The following NEDD9 variants were observed in gnomAD, a reference collection of about 807,000 sequenced individuals.
NEDD9 encodes enhancer of filamentation 1.
In NEDD9, 26 loss-of-function variants were observed where a neutral mutation model predicts 76.6. The observed-to-expected ratio is 0.34, with a 90% CI of 0.25 to 0.47. NEDD9 has a LOEUF of 0.47. NEDD9 is among the 20% of genes least tolerant of loss of function. The pLI is 1.00. For synonymous variants in NEDD9, 392 were observed against 414.2 expected (o/e 0.95, Z 0.65); for missense variants, 937 against 1,058.5 (o/e 0.89, Z 1.59).
rs933106224 is a variant in NEDD9 at position 11,196,866 on chromosome 6, T to G, written c.460-3174A>C. On this transcript the variant is annotated intron_variant, in intron 2 of 6. Transcript: ENST00000379446. ...GTGGAAGATCAGGGAGCTCGAAGTC[T>G]TCTACTTTTGGACATTCTCTGCCTC... Among the ~76,000 whole-genome samples, 4 of 152,136 alleles carry G rather than the reference T, an allele frequency of 2.6e-5. No individual in the cohort carries two copies. The South Asian group carries it at 8.3e-4, about 31-fold the overall frequency.
chr6:11,335,648 G>A lies in NEDD9; in HGVS notation c.-213-1087C>T, dbSNP rs142204908. On this transcript the variant is annotated intron_variant, in intron 1 of 3. Coordinates refer to the NEDD9 transcript ENST00000397378. The stretch of plus-strand genomic sequence containing the variant: ...TTTTTGCTTCCACAACCAGCAGTGT[G>A]CAGAAAATGCTTTCCAAGTGTTCAT... Among the ~76,000 whole-genome samples, 558 of 152,316 alleles carry A rather than the reference G, an allele frequency of 3.7e-3. 4 individuals are homozygous for A. Among genetic ancestry groups the A allele is most frequent in the African/African-American group, 1.0e-2 (415 of 41,560 alleles).
intron 2 of NEDD9, among the ~76,000 whole-genome samples, chr6:11,321,030 CA>C (rs1761785968): frequency 6.7e-6 from 1 of 149,590 alleles, no homozygotes; most frequent in South Asian, 2.1e-4. Flanking sequence ...CCTGTTGAAG[CA>C]TGTGTTGTTA....
upstream of NEDD9, chr6:11,233,235 T>C (rs114587388): frequency 0.035 from 18,150 of 518,978 alleles, 499 homozygotes; most frequent in South Asian, 0.069. Flanking sequence ...TTTTCAACGT[T>C]CAAAGTACTT....
chr6:11,281,137 T>C (rs996678506), intron 3 of NEDD9, among the ~76,000 whole-genome samples: 1 of 152,260 alleles, frequency 6.6e-6, no homozygotes, highest in Non-Finnish European at 1.5e-5. Flanking sequence ...TAGGCATGTT[T>C]AGAATGCCCA....
At chr6:11,310,908 A>C (rs1328855729) in intron 2 of NEDD9, among the ~76,000 whole-genome samples, 1 of 152,074 alleles carries the variant, frequency 6.6e-6, no homozygotes, top group East Asian at 1.9e-4. Context: ...ATTTCAACTC[A>C]TCCCTTTTTC....
At chr6:11,229,218 A>G (rs1050240192) in intron 1 of NEDD9, among the ~76,000 whole-genome samples, 1 of 152,228 alleles carries the variant, frequency 6.6e-6, no homozygotes, top group Non-Finnish European at 1.5e-5. Flanking sequence ...ATTTTTCTTC[A>G]GTCAAAACGT....
At chr6:11,232,229 T>G (rs116469335) in intron 1 of NEDD9, among the ~76,000 whole-genome samples, 1,768 of 152,322 alleles carry the variant, frequency 0.012, 18 homozygotes, top group South Asian at 0.027. Context: ...GTGGCTGCTG[T>G]GAAGCGGCTC....
At chr6:11,345,215 T>C (rs999881284) in intron 1 of NEDD9, among the ~76,000 whole-genome samples, 3 of 152,098 alleles carry the variant, frequency 2.0e-5, no homozygotes, top group Admixed American at 6.6e-5. Flanking sequence ...ATATCAAAGA[T>C]AACTCAGCAG....
At chr6:11,276,292 T>C (rs1760415019) in intron 3 of NEDD9, among the ~76,000 whole-genome samples, 1 of 152,242 alleles carries the variant, frequency 6.6e-6, no homozygotes, top group Non-Finnish European at 1.5e-5. Flanking sequence ...AGCTACTACT[T>C]AATTGGCATT....
At chr6:11,189,039 C>G (rs1208581946) in intron 5 of NEDD9, among the ~76,000 whole-genome samples, 1 of 151,918 alleles carries the variant, frequency 6.6e-6, no homozygotes, top group Non-Finnish European at 1.5e-5. Context: ...CTCCGCCTCC[C>G]AGGTTCAAGT....
upstream of NEDD9, chr6:11,233,221 G>A (rs187472100): frequency 1.1e-3 from 548 of 516,190 alleles, 2 homozygotes; most frequent in Non-Finnish European, 4.4e-4. Flanking sequence ...TGCTTTTTTT[G>A]TTCTTTTCAA....
At chr6:11,340,637 C>T (rs1356308193) in intron 1 of NEDD9, among the ~76,000 whole-genome samples, 2 of 152,172 alleles carry the variant, frequency 1.3e-5, no homozygotes, top group African/African-American at 2.4e-5. Flanking sequence ...CCTGTCTCCT[C>T]GTGAGCCCCA....
chr6:11,232,615 G>T lies in NEDD9; in HGVS notation c.-100C>A, dbSNP rs1478041941. 38 of 1,604,964 alleles carry T rather than the reference G, an allele frequency of 2.4e-5. No individual in the cohort carries two copies. The highest frequency in any genetic ancestry group is 4.5e-5 in the East Asian group (2 of 44,778). On this transcript the variant is annotated 5_prime_UTR_variant, in exon 1 of 7. Coordinates refer to ENST00000379446, the MANE Select transcript of NEDD9 (RefSeq NM_006403.4). ...ATTGAGTGCAGCGCTAGATGAAAGC[G>T]AGAAGGTCCCGGGCAGAGCCGCTTG... is the stretch of plus-strand genomic sequence containing the variant.
rs1178371490 is a variant in NEDD9, at chr6:11,185,453, G to C, written c.2214C>G (p.Pro738=). 2 of 1,614,224 alleles carry C rather than the reference G, an allele frequency of 1.2e-6. No homozygotes were observed. Among genetic ancestry groups the C allele is most frequent in the Non-Finnish European group, 8.5e-7 (1 of 1,180,040 alleles). The change falls in exon 7 of 7, where the codon CCC becomes CCG. Residue 738 remains proline, a synonymous_variant. Transcript: ENST00000379446. ...ALFSCVSSAQ[P]PRIFVAHSKF... ...TGCTGTGTGCCACGAAGATTCGCGG[G>C]GGCTGGGCTGAGCTGACACAACTGA...
At chr6:11,262,228 C>T (rs1304224314) in intron 3 of NEDD9, among the ~76,000 whole-genome samples, 1 of 152,142 alleles carries the variant, frequency 6.6e-6, no homozygotes, top group African/African-American at 2.4e-5. Context: ...GCCAGGGAAG[C>T]AGAGGAGGAA....
At chr6:11,229,426 G>A (rs554546572) in intron 1 of NEDD9, among the ~76,000 whole-genome samples, 5 of 152,090 alleles carry the variant, frequency 3.3e-5, no homozygotes, top group African/African-American at 4.8e-5. Context: ...GCACAAACGG[G>A]GTGGGGTCTC....
chr6:11,223,494 A>T (rs902818986), intron 1 of NEDD9, among the ~76,000 whole-genome samples: 2 of 151,570 alleles, frequency 1.3e-5, no homozygotes, highest in Admixed American at 1.3e-4. Flanking sequence ...TAGGAAAAAA[A>T]AACCAACAAA....
chr6:11,217,219 G>A (rs1368577343), intron 1 of NEDD9, among the ~76,000 whole-genome samples: 2 of 152,182 alleles, frequency 1.3e-5, no homozygotes, highest in Non-Finnish European at 2.9e-5. Context: ...ATTCAAAAGT[G>A]CACATCAGTC....
chr6:11,279,485 C>T (rs566653801), intron 3 of NEDD9, among the ~76,000 whole-genome samples: 54 of 152,342 alleles, frequency 3.5e-4, no homozygotes, highest in African/African-American at 1.3e-3. Flanking sequence ...TGTGTCTCAG[C>T]GTGGGCTGCG....
Sources: gnomAD v4.1 joint callset for allele counts (sites outside exome capture counted in the v4.1 genomes callset) on GRCh38, gnomAD v4.1.1 for gene constraint, MANE v1.5 for transcripts, NCBI Gene and HGNC (gene_info 2026-07-23, HGNC 2026-07-21) for gene names.